Variants in NRXN1 observed in about 807,000 individuals in gnomAD.
NRXN1 encodes neurexin 1.
Under a neutral mutation model 150.9 loss-of-function variants are expected in NRXN1, and 39 were observed. The observed-to-expected ratio is 0.26, with a 90% CI of 0.20 to 0.34. The LOEUF (loss-of-function observed/expected upper bound fraction) is 0.34. Among genes scored for constraint, NRXN1 ranks in the 10% least tolerant of loss-of-function variants. NRXN1 has a pLI of 1.00. For missense variants in NRXN1, 1,815 were observed against 1,949.9 expected (o/e 0.93, Z 1.30); for synonymous variants, 924 against 757.0 (o/e 1.22, Z -3.62).
Position 50,528,660 on chromosome 2 carries a change from G to A in NRXN1, c.2348-9C>T. On this transcript the variant is annotated splice_polypyrimidine_tract_variant and intron_variant, in intron 11 of 22. Coordinates refer to ENST00000401669, the MANE Select transcript of NRXN1 (RefSeq NM_001330078.2). ...GTTAATCCTGATACAATCTAGATGG[G>A]GAAGAATAGATGAAAAATGAAAATT... is the stretch of plus-strand genomic sequence containing the variant. 6.5e-7 allele frequency: 1 copy of A among 1,540,192 alleles called. No individual in the cohort carries two copies. Among genetic ancestry groups the A allele is most frequent in the East Asian group, 2.3e-5 (1 of 43,724 alleles).
chr2:49,984,363 T>A (rs926237511), intron 21 of NRXN1, among the ~76,000 whole-genome samples: 1 of 152,206 alleles, frequency 6.6e-6, no homozygotes, highest in Non-Finnish European at 1.5e-5. Context: ...TGAATTTTGC[T>A]AATTTCAAAC....
At chr2:50,979,118 CACA>C (rs1411471032) in intron 2 of NRXN1, among the ~76,000 whole-genome samples, 3 of 152,014 alleles carry the variant, frequency 2.0e-5, no homozygotes, top group African/African-American at 7.2e-5. Context: ...TTAAGCTAAT[CACA>C]ATAGAGAATA....
chr2:50,482,185 G>T (rs2090523093), intron 15 of NRXN1, among the ~76,000 whole-genome samples: 1 of 152,168 alleles, frequency 6.6e-6, no homozygotes, highest in Non-Finnish European at 1.5e-5. Context: ...TTGGCCAACA[G>T]ACTGTGAGGA....
chr2:50,159,877 T>A (rs758863325), intron 18 of NRXN1, among the ~76,000 whole-genome samples: 2 of 152,174 alleles, frequency 1.3e-5, no homozygotes, highest in Non-Finnish European at 1.5e-5. Context: ...CACATAATTA[T>A]GCTGTGGAAG....
chr2:50,065,910 G>GT (rs983367215), intron 19 of NRXN1, among the ~76,000 whole-genome samples: 24 of 152,084 alleles, frequency 1.6e-4, no homozygotes, highest in African/African-American at 4.8e-4. Flanking sequence ...AAAGAATATT[G>GT]TAACATGTTA....
chr2:50,358,312 G>A (rs2078964198), intron 17 of NRXN1, among the ~76,000 whole-genome samples: 1 of 152,226 alleles, frequency 6.6e-6, no homozygotes, highest in Non-Finnish European at 1.5e-5. Flanking sequence ...CTGGAGTCCA[G>A]CAAGCTAAGA....
intron 17 of NRXN1, among the ~76,000 whole-genome samples, chr2:50,248,284 G>C (rs1033789380): frequency 6.6e-6 from 1 of 152,278 alleles, no homozygotes; most frequent in Non-Finnish European, 1.5e-5. Flanking sequence ...GAAGTGCTGG[G>C]ATTCTGGGTG....
intron 9 of NRXN1, chr2:50,548,145 C>T (rs772717835): frequency 1.3e-5 from 2 of 152,166 alleles, no homozygotes; most frequent in Non-Finnish European, 2.9e-5. Flanking sequence ...AGCACACTTA[C>T]TGTGGTTGCA....
intron 2 of NRXN1, chr2:51,026,614 C>T: frequency 1.6e-6 from 1 of 637,008 alleles, no homozygotes; most frequent in Non-Finnish European, 2.8e-6. Context: ...AAATCTCTTG[C>T]AATCCCTTAC....
chr2:50,380,276 A>ATG (rs61041420), intron 17 of NRXN1, among the ~76,000 whole-genome samples: 8,355 of 149,716 alleles, frequency 0.056, 597 homozygotes, highest in African/African-American at 0.16. Context: ...ATGACCACAT[A>ATG]TGTGTGTGTG....
chr2:50,308,198 G>T (rs140241407), intron 17 of NRXN1, among the ~76,000 whole-genome samples: 2 of 152,234 alleles, frequency 1.3e-5, no homozygotes, highest in Non-Finnish European at 2.9e-5. Context: ...CTGTACATTA[G>T]ATCACTAGAC....
chr2:50,554,623 T>C (rs561946119), intron 8 of NRXN1: 1 of 152,320 alleles, frequency 6.6e-6, no homozygotes, highest in African/African-American at 2.4e-5. Flanking sequence ...ATTAACTACG[T>C]AAAATACATG....
intron 19 of NRXN1, among the ~76,000 whole-genome samples, chr2:50,068,341 C>A (rs1011183338): frequency 1.3e-5 from 2 of 151,864 alleles, no homozygotes; most frequent in African/African-American, 4.8e-5. Context: ...CCATTTTTTT[C>A]TTTTTGTAGA....
intron 18 of NRXN1, among the ~76,000 whole-genome samples, chr2:50,106,782 A>G (rs1344763819): frequency 1.3e-5 from 2 of 152,002 alleles, no homozygotes; most frequent in Non-Finnish European, 2.9e-5. Flanking sequence ...ATTTTTCAAG[A>G]AAGATTTATA....
chr2:50,381,141 G>A (rs1358885510), intron 17 of NRXN1, among the ~76,000 whole-genome samples: 7 of 152,018 alleles, frequency 4.6e-5, no homozygotes, highest in Non-Finnish European at 8.8e-5. Flanking sequence ...AATGGAACAT[G>A]GATAAGCCCA....
At chr2:49,954,738 A>G (rs1453112355) in intron 21 of NRXN1, among the ~76,000 whole-genome samples, 3 of 152,198 alleles carry the variant, frequency 2.0e-5, no homozygotes, top group Admixed American at 6.6e-5. Flanking sequence ...TCCTGTTAAG[A>G]CAATGAGCTA....
At chr2:50,196,372 A>G (rs541049590) in intron 18 of NRXN1, among the ~76,000 whole-genome samples, 1 of 152,138 alleles carries the variant, frequency 6.6e-6, no homozygotes, top group African/African-American at 2.4e-5. Context: ...AAAGTTTCCT[A>G]AACACCATCA....
chr2:50,273,293 C>A (rs1286321193), intron 17 of NRXN1, among the ~76,000 whole-genome samples: 3 of 152,162 alleles, frequency 2.0e-5, no homozygotes, highest in African/African-American at 7.2e-5. Context: ...TACAAATGAA[C>A]TGAAACCTGT....
At chr2:50,843,810 G>A (rs778617098) in intron 5 of NRXN1, among the ~76,000 whole-genome samples, 15 of 152,156 alleles carry the variant, frequency 9.9e-5, no homozygotes, top group Admixed American at 5.2e-4. Flanking sequence ...TCAACCAACA[G>A]TTTATGCCCT....
Sources: allele counts gnomAD v4.1 joint callset (sites outside exome capture counted in the v4.1 genomes callset), GRCh38; gene constraint gnomAD v4.1.1; transcripts MANE v1.5; gene names NCBI Gene and HGNC (gene_info 2026-07-23, HGNC 2026-07-21).